The following ZPBP variants were observed in gnomAD, a reference collection of about 807,000 sequenced individuals.
ZPBP encodes the protein zona pellucida-binding protein 1.
Under a neutral mutation model 44.8 loss-of-function variants are expected in ZPBP, and 26 were observed. That is an observed-to-expected ratio of 0.58 (90% CI 0.43 to 0.81). The LOEUF (loss-of-function observed/expected upper bound fraction) is 0.81, where lower values mean the gene tolerates loss of function less well. ZPBP is among the 30% of genes least tolerant of loss of function. The pLI is 0.00. For missense variants in ZPBP, 409 were observed against 434.0 expected, an observed-to-expected ratio of 0.94 and a Z score of 0.51; for synonymous variants, 174 against 153.2, an observed-to-expected ratio of 1.14 and a Z score of -1.00.
At chr7:50,088,601 G>C (rs1416308843) in intron 2 of ZPBP, among the ~76,000 whole-genome samples, 1 of 151,648 alleles carries the variant, frequency 6.6e-6, no homozygotes, top group Admixed American at 6.6e-5. Flanking sequence ...ACGGGCAAAG[G>C]ACTTGAATAG....
intron 7 of ZPBP, among the ~76,000 whole-genome samples, chr7:49,938,234 AC>A (rs869183767): frequency 6.6e-6 from 1 of 150,868 alleles, no homozygotes; most frequent in Non-Finnish European, 1.5e-5. Context: ...GTGGAAAGAG[AC>A]TGCATTTTTT....
intron 7 of ZPBP, among the ~76,000 whole-genome samples, chr7:49,974,618 T>C (rs1373138911): frequency 6.6e-6 from 1 of 152,022 alleles, no homozygotes; most frequent in Non-Finnish European, 1.5e-5. Context: ...AGTAGAATTA[T>C]AATCAATAAA....
rs1797075462 is a variant in ZPBP at position 49,982,547 on chromosome 7, A to G, written c.961+795T>C. Among the ~76,000 whole-genome samples the G allele has an allele frequency of 2.0e-5, 3 of 150,930 alleles. No individual in the cohort carries two copies. The South Asian group carries it at 6.2e-4, about 31-fold the overall frequency. ...ATAAAGATAACTGTAGCCAAGTCAA[A>G]GAAAACAAAGCAAAAGGAAGACCCT... On this transcript the variant is annotated intron_variant, in intron 7 of 7. Transcript: ENST00000046087.
intron 5 of ZPBP, among the ~76,000 whole-genome samples, chr7:50,019,074 A>G (rs557719877): frequency 3.3e-5 from 5 of 152,086 alleles, no homozygotes; most frequent in Non-Finnish European, 7.4e-5. Context: ...AAACACAGGT[A>G]TAATGTAAAA....
chr7:49,875,852 G>A (rs1226604527), intron 2 of ZPBP, among the ~76,000 whole-genome samples: 1 of 152,148 alleles, frequency 6.6e-6, no homozygotes, highest in Non-Finnish European at 1.5e-5. Context: ...CAGGCTCCAT[G>A]AGCAAGAGAA....
intron 2 of ZPBP, 131 bp downstream of exon 2, chr7:50,089,498 C>G: frequency 1.5e-6 from 1 of 687,112 alleles, no homozygotes; most frequent in African/African-American, 1.8e-5. Flanking sequence ...AACTTTAATC[C>G]ACTTCTGTAG....
intron 7 of ZPBP, among the ~76,000 whole-genome samples, chr7:49,979,855 TATA>T (rs1193997551): frequency 1.1e-3 from 6 of 5,484 alleles, no homozygotes; most frequent in African/African-American, 3.2e-3. Context: ...ATAAAATATA[TATA>T]ATATAATATA....
intron 6 of ZPBP, among the ~76,000 whole-genome samples, chr7:49,999,666 G>C (rs940931068): frequency 6.6e-6 from 1 of 151,106 alleles, no homozygotes; most frequent in African/African-American, 2.4e-5. Flanking sequence ...GAGGGAAGGA[G>C]AAGATGGATG....
chr7:49,841,531 C>G, the ZPBP span, among the ~76,000 whole-genome samples: 14 of 152,148 alleles, frequency 9.2e-5, no homozygotes, highest in Non-Finnish European at 8.8e-5. Flanking sequence ...TGACTCAGAG[C>G]TTAACTGTTA....
intron 7 of ZPBP, among the ~76,000 whole-genome samples, chr7:49,947,834 T>C (rs1403920335): frequency 6.6e-6 from 1 of 152,242 alleles, no homozygotes; most frequent in African/African-American, 2.4e-5. Context: ...TGTTCAGAGA[T>C]GCCATCTGGG....
At chr7:49,979,186 A>C (rs1275361451) in intron 7 of ZPBP, among the ~76,000 whole-genome samples, 1 of 151,930 alleles carries the variant, frequency 6.6e-6, no homozygotes, top group Non-Finnish European at 1.5e-5. Context: ...TAACTTCCTC[A>C]AGACTCAAAC....
rs1316028025 is a variant in ZPBP at position 50,031,097 on chromosome 7, A to C, written c.701T>G (p.Phe234Cys). ...AGLQNELFFA[F>C]SVSSLDTEKG... ...AACAAATTGTATAGACTTACCTGAA[A>C]ATGCAAAGAACAATTCATTTTGCAA... Residue 234 changes from phenylalanine (F) to cysteine (C), a missense_variant, in exon 5 of 8, where the codon TTT (phenylalanine) becomes TGT (cysteine). Phe to Cys is a radical substitution (Grantham distance 205). This residue lies in a region of ZPBP where 367 missense variants were observed against 363.1 expected (regional missense o/e 1.01). Transcript: ENST00000046087. The C allele has an allele frequency of 3.1e-6, 5 of 1,613,310 alleles. No homozygotes were observed. The African/African-American group carries it at 4.0e-5, about 13-fold the overall frequency.
intron 2 of ZPBP, among the ~76,000 whole-genome samples, chr7:49,858,155 C>T (rs1479194633): frequency 6.6e-6 from 1 of 152,182 alleles, no homozygotes; most frequent in Non-Finnish European, 1.5e-5. Flanking sequence ...CTCTCCAGCA[C>T]CTGTTGCTTC....
intron 2 of ZPBP, among the ~76,000 whole-genome samples, chr7:49,879,775 C>A (rs1791592902): frequency 6.6e-6 from 1 of 151,958 alleles, no homozygotes; most frequent in Non-Finnish European, 1.5e-5. Context: ...GCTATCTTGG[C>A]TAATTTTATT....
Position 49,983,500 on chromosome 7 carries a change from C to T in ZPBP, c.803G>A (p.Arg268Lys). The T allele has an allele frequency of 1.9e-6, 3 of 1,604,958 alleles. No homozygotes were observed. The highest frequency in any genetic ancestry group is 2.2e-5 in the East Asian group (1 of 44,664). Residue 268 changes from arginine to lysine, a missense_variant, in exon 7 of 8, where the codon AGA (arginine) becomes AAA (lysine). Arg to Lys is a conservative substitution (Grantham distance 26). Transcript: ENST00000046087. The part of the protein sequence containing the change: ...RLFKAKNLIE[R>K]FFNQQVEILG... ...AATTTCTACTTGTTGATTAAAAAAT[C>T]TCTCTATGAGATTTTTAGCCTAAAA...
chr7:49,910,996 C>A (rs1025824853), intron 1 of ZPBP, among the ~76,000 whole-genome samples: 3 of 152,166 alleles, frequency 2.0e-5, no homozygotes, highest in Non-Finnish European at 4.4e-5. Flanking sequence ...GGAAGGTATA[C>A]TGAATTTATG....
intron 7 of ZPBP, among the ~76,000 whole-genome samples, chr7:49,966,344 T>A (rs1796060891): frequency 6.6e-6 from 1 of 152,264 alleles, no homozygotes; most frequent in South Asian, 2.1e-4. Flanking sequence ...AGTATCAATA[T>A]ATGTGTCTCC....
intron 7 of ZPBP, among the ~76,000 whole-genome samples, chr7:49,970,826 G>A (rs73113285): frequency 0.19 from 28,379 of 150,450 alleles, 3,750 homozygotes; most frequent in East Asian, 0.64. Flanking sequence ...ACTGGCCTGG[G>A]CAATATAGTG....
intron 2 of ZPBP, among the ~76,000 whole-genome samples, chr7:49,890,083 A>T (rs992672808): frequency 3.3e-5 from 5 of 152,130 alleles, no homozygotes; most frequent in African/African-American, 1.2e-4. Flanking sequence ...CAAAGCCTCA[A>T]TTTCCCACCT....
Sources: allele counts gnomAD v4.1 joint callset (sites outside exome capture counted in the v4.1 genomes callset), GRCh38; gene constraint gnomAD v4.1.1; regional missense constraint gnomAD v4.1.1; transcripts MANE v1.5; gene names NCBI Gene and HGNC (gene_info 2026-07-23, HGNC 2026-07-21).